The following SMARCA2 variants were observed in gnomAD, a reference collection of about 807,000 sequenced individuals.
SMARCA2 encodes SWI/SNF-related matrix-associated actin-dependent regulator of chromatin subfamily A member 2.
In SMARCA2, 61 loss-of-function variants were observed where a neutral mutation model predicts 199.8. That is an observed-to-expected ratio of 0.31 (90% CI 0.25 to 0.38). SMARCA2 has a LOEUF of 0.38. SMARCA2 is among the 10% of genes least tolerant of loss of function. The pLI, the probability that SMARCA2 is intolerant of heterozygous loss-of-function variation, is 1.00. For missense variants in SMARCA2, 1,344 were observed against 2,012.2 expected (o/e 0.67, Z 6.35); for synonymous variants, 935 against 732.0 (o/e 1.28, Z -4.48).
chr9:2,187,459 G>A (rs962171906), intron 32 of SMARCA2, among the ~76,000 whole-genome samples: 4 of 152,068 alleles, frequency 2.6e-5, no homozygotes, highest in Non-Finnish European at 5.9e-5. Context: ...ATAGCTTGAG[G>A]CTAGGAGTTC....
At chr9:2,191,180 C>A in intron 32 of SMARCA2, 86 bp from the exon 33 acceptor site, 2 of 1,290,940 alleles carry the variant, frequency 1.5e-6, no homozygotes, top group Non-Finnish European at 2.2e-6. Flanking sequence ...TTTGTGTTGT[C>A]TGTAGGTTGG....
At chr9:2,129,310 T>A (rs6475518) in intron 27 of SMARCA2, among the ~76,000 whole-genome samples, 1 of 151,622 alleles carries the variant, frequency 6.6e-6, no homozygotes, top group African/African-American at 2.4e-5. Context: ...CCCAGCTGCT[T>A]GGGAGGCTGA....
intron 21 of SMARCA2, among the ~76,000 whole-genome samples, chr9:2,098,895 C>T (rs143566486): frequency 5.3e-4 from 80 of 150,804 alleles, no homozygotes; most frequent in South Asian, 2.1e-4. Context: ...TGCAGTGAGC[C>T]GAGATCGCAC....
At chr9:2,088,032 C>G (rs535118542) in intron 18 of SMARCA2, among the ~76,000 whole-genome samples, 1 of 152,220 alleles carries the variant, frequency 6.6e-6, no homozygotes, top group Admixed American at 6.5e-5. Context: ...TGGATCAACT[C>G]TTGTTCCTCT....
In SMARCA2 at chr9:2,104,414, C is replaced by A. The variant is rs541618879; in HGVS notation, c.3292+245C>A. ...ATGAGTTTAGAGTCACTTTTGAGTA[C>A]CTAAATAAAATAAAATTAAACTAAA... On this transcript the variant is annotated intron_variant, in intron 23 of 33. Coordinates refer to ENST00000349721, the MANE Select transcript of SMARCA2 (RefSeq NM_003070.5). This position sits in a 1 kb window ranked among gnomAD's most constrained non-coding sequence, Gnocchi z 4.0. Among the ~76,000 whole-genome samples, 56 of 152,028 alleles carry A rather than the reference C, an allele frequency of 3.7e-4. No individual in the cohort carries two copies. The highest frequency in any genetic ancestry group is 5.9e-4 in the Non-Finnish European group (40 of 68,014).
intron 1 of SMARCA2, among the ~76,000 whole-genome samples, chr9:2,027,302 G>T (rs1178079873): frequency 6.6e-6 from 1 of 151,878 alleles, no homozygotes; most frequent in Non-Finnish European, 1.5e-5. Flanking sequence ...AATTAGCTTG[G>T]CACGGTGGCG....
At chr9:2,128,646 TGTATAAAA>T (rs1823801849) in intron 27 of SMARCA2, among the ~76,000 whole-genome samples, 1 of 152,218 alleles carries the variant, frequency 6.6e-6, no homozygotes, top group Non-Finnish European at 1.5e-5. Context: ...GTTTGCAAAT[TGTATAAAA>T]GTATGTAACT....
chr9:2,127,877 T>G (rs1823765549), intron 27 of SMARCA2, among the ~76,000 whole-genome samples: 1 of 152,236 alleles, frequency 6.6e-6, no homozygotes, highest in South Asian at 2.1e-4. Context: ...CTTTAGAGAA[T>G]CTGTTTAGTT....
intron 27 of SMARCA2, among the ~76,000 whole-genome samples, chr9:2,149,204 A>G (rs984418697): frequency 6.6e-6 from 1 of 151,182 alleles, no homozygotes; most frequent in African/African-American, 2.4e-5. Context: ...GCGGCAAGAG[A>G]AAATGAGAGA....
Position 2,029,797 on chromosome 9 carries a change from G to A in SMARCA2, c.225+550G>A, listed in dbSNP as rs200951060. On this transcript the variant is annotated intron_variant, in intron 2 of 33. Coordinates refer to ENST00000349721, the MANE Select transcript of SMARCA2 (RefSeq NM_003070.5). ...AAGCACTTTTATTCTGGTTTTGGAAGAAGGTTCTGATTTTTGCAGAGCTCA... is the reference window on the plus strand; with the variant it reads ...AAGCACTTTTATTCTGGTTTTGGAAAAAGGTTCTGATTTTTGCAGAGCTCA... 3.3e-5 allele frequency among the ~76,000 whole-genome samples: 5 copies of A among 152,208 alleles called. No individual in the cohort carries two copies. In the East Asian group the frequency reaches 9.6e-4, roughly 29 times the overall value.
chr9:2,162,259 G>T (rs1279764876), intron 28 of SMARCA2, among the ~76,000 whole-genome samples: 1 of 152,074 alleles, frequency 6.6e-6, no homozygotes, highest in Non-Finnish European at 1.5e-5. Context: ...TAATTGAATT[G>T]TTAGAGAAAG....
chr9:2,122,541 G>T (rs1454566062), intron 26 of SMARCA2, among the ~76,000 whole-genome samples: 1 of 152,048 alleles, frequency 6.6e-6, no homozygotes, highest in Non-Finnish European at 1.5e-5. Context: ...TCAACCAATG[G>T]GACTTCACCT....
chr9:2,184,867 G>A (rs1043902739), intron 31 of SMARCA2, among the ~76,000 whole-genome samples: 2 of 145,688 alleles, frequency 1.4e-5, no homozygotes, highest in Non-Finnish European at 3.0e-5. Flanking sequence ...TCTCTCGCGC[G>A]GGTCCTTTGT....
chr9:2,040,013 T>A (rs1819535706), intron 4 of SMARCA2, 113 bp downstream of exon 4: 8 of 1,524,378 alleles, frequency 5.2e-6, no homozygotes, highest in Non-Finnish European at 7.0e-6. Context: ...CCTTTTGTTA[T>A]ACCTCACTGG....
chr9:2,189,729 G>C (rs1331231383), intron 32 of SMARCA2, among the ~76,000 whole-genome samples: 2 of 151,960 alleles, frequency 1.3e-5, no homozygotes, highest in Non-Finnish European at 2.9e-5. Context: ...AGAAGCCTTG[G>C]CTAGGAGTAC....
chr9:2,145,843 A>C lies in SMARCA2; in HGVS notation c.3982-15843A>C, dbSNP rs554225920. On this transcript the variant is annotated intron_variant, in intron 27 of 33. Coordinates refer to ENST00000349721, the MANE Select transcript of SMARCA2 (RefSeq NM_003070.5). Reference sequence around the variant, plus strand: ...ATTATCTTTGTAAGAAGAAAAAATCAAGATGATCTGGCACACCTGGAGGGG... The same window carrying C: ...ATTATCTTTGTAAGAAGAAAAAATCCAGATGATCTGGCACACCTGGAGGGG... Among the ~76,000 whole-genome samples, 30 of 152,322 alleles carry C rather than the reference A, an allele frequency of 2.0e-4. No individual in the cohort carries two copies. The South Asian group carries it at 6.2e-3, about 32-fold the overall frequency.
chr9:2,182,289 C>G (rs367818043), intron 31 of SMARCA2, 47 bp downstream of exon 31: 2 of 1,140,136 alleles, frequency 1.8e-6, no homozygotes, highest in Admixed American at 4.0e-5. Context: ...TAAATGTGCC[C>G]GTTGTTCTTT....
Position 2,070,476 on chromosome 9 carries a change from G to C in SMARCA2, c.1746+5G>C. On this transcript the variant is annotated splice_donor_5th_base_variant and intron_variant, in intron 10 of 33. Transcript: ENST00000349721. ...GCCCTGGGACCGGATGGAGAGGTAA[G>C]GGATCGTCATCCTTTCCACTGTGTT... is the stretch of plus-strand genomic sequence containing the variant. 6.2e-7 allele frequency: 1 copy of C among 1,610,052 alleles called. No homozygotes were observed. Among genetic ancestry groups the C allele is most frequent in the Non-Finnish European group, 8.5e-7 (1 of 1,176,400 alleles).
chr9:2,146,853 C>G (rs183222727), intron 27 of SMARCA2, among the ~76,000 whole-genome samples: 2 of 152,260 alleles, frequency 1.3e-5, no homozygotes, highest in Non-Finnish European at 2.9e-5. Context: ...TCATCACCAT[C>G]TTGGTTTTGG....
Sources: gnomAD v4.1 joint callset for allele counts (sites outside exome capture counted in the v4.1 genomes callset) on GRCh38, gnomAD v4.1.1 for gene constraint, Gnocchi (gnomAD v3.1) non-coding constraint, MANE v1.5 for transcripts, NCBI Gene and HGNC (gene_info 2026-07-23, HGNC 2026-07-21) for gene names.